Variants in LAMA1 observed in about 807,000 individuals in gnomAD.
LAMA1 encodes the protein laminin subunit alpha 1.
Under a neutral mutation model 348.7 loss-of-function variants are expected in LAMA1, and 219 were observed. The observed-to-expected ratio is 0.63, with a 90% CI of 0.56 to 0.70. The LOEUF (loss-of-function observed/expected upper bound fraction) is 0.70, where lower values mean the gene tolerates loss of function less well. Among genes scored for constraint, LAMA1 ranks in the 30% least tolerant of loss-of-function variants. The pLI is 0.00. For missense variants in LAMA1, 3,744 were observed against 3,888.0 expected, an observed-to-expected ratio of 0.96 and a Z score of 0.99; for synonymous variants, 1,487 against 1,491.0, an observed-to-expected ratio of 1.00 and a Z score of 0.06.
At chr18:7,042,084 T>C (rs1568043135) in intron 9 of LAMA1, 61 bp downstream of exon 9, 3 of 1,142,288 alleles carry the variant, frequency 2.6e-6, no homozygotes, top group Non-Finnish European at 3.9e-6. Context: ...TTCCAGTATG[T>C]GCAAATCTTC....
Position 6,992,603 on chromosome 18 carries a change from C to T in LAMA1, c.5126G>A (p.Arg1709Lys). 1 of 1,614,146 alleles carries T rather than the reference C, an allele frequency of 6.2e-7. No homozygotes were observed. The highest frequency in any genetic ancestry group is 2.2e-5 in the East Asian group (1 of 44,870). The change falls in exon 36 of 63, where the codon AGA becomes AAA. Residue 1709 changes from arginine to lysine, a missense_variant. Arg to Lys is a conservative substitution (Grantham distance 26, BLOSUM62 2). Coordinates refer to ENST00000389658, the MANE Select transcript of LAMA1 (RefSeq NM_005559.4). ...ATTTTGGTGCAACTGTGTGAAGTCT[C>T]TTATCTGCATGATTTCTAGCAAAGA... ...GTSLLEIMQIRDFTQLHQNAT... is the reference protein window; with the variant it reads ...GTSLLEIMQIKDFTQLHQNAT...
At chr18:6,997,965 G>T in intron 32 of LAMA1, 81 bp from the exon 33 acceptor site, 1 of 1,329,554 alleles carries the variant, frequency 7.5e-7, no homozygotes, top group Non-Finnish European at 1.1e-6. Context: ...TGCGCAAGTT[G>T]TTTTGTGAAA....
chr18:7,031,414 T>G (rs2057968587), intron 16 of LAMA1, among the ~76,000 whole-genome samples: 1 of 152,228 alleles, frequency 6.6e-6, no homozygotes, highest in Non-Finnish European at 1.5e-5. Context: ...TCAACTCATA[T>G]TGCATGAAAG....
chr18:6,959,127 C>A (rs547614920), intron 54 of LAMA1, among the ~76,000 whole-genome samples: 1 of 152,250 alleles, frequency 6.6e-6, no homozygotes, highest in African/African-American at 2.4e-5. Flanking sequence ...AAGGGCAGAG[C>A]TAAAGTTGTT....
In LAMA1 at chr18:7,058,812, G is replaced by A. The variant is rs113382018; in HGVS notation, c.346-7876C>T. Among the ~76,000 whole-genome samples the A allele has an allele frequency of 9.3e-3, 1,422 of 152,264 alleles. 25 individuals are homozygous for A. The highest frequency in any genetic ancestry group is 0.03 in the African/African-American group (1,262 of 41,548). Reference sequence around the variant, plus strand: ...CAGTCTCACCTGATTAATACAGGCCGAATTCACCAATCATGTGTTGACAAA... The same window carrying A: ...CAGTCTCACCTGATTAATACAGGCCAAATTCACCAATCATGTGTTGACAAA... On this transcript the variant is annotated intron_variant, in intron 3 of 62. Transcript: ENST00000389658.
At chr18:6,983,448 AAC>A (rs1017307606) in intron 39 of LAMA1, among the ~76,000 whole-genome samples, 1 of 152,162 alleles carries the variant, frequency 6.6e-6, no homozygotes, top group Non-Finnish European at 1.5e-5. Flanking sequence ...TAACACTCAG[AAC>A]TGCTATTCAA....
intron 16 of LAMA1, 152 bp downstream of exon 16, chr18:7,031,914 C>A: frequency 2.0e-6 from 1 of 510,428 alleles, no homozygotes; most frequent in Non-Finnish European, 3.4e-6. Flanking sequence ...GGAAACATTT[C>A]ATGACATGAG....
intron 3 of LAMA1, among the ~76,000 whole-genome samples, chr18:7,078,271 A>G (rs2058178739): frequency 6.7e-6 from 1 of 150,216 alleles, no homozygotes; most frequent in South Asian, 2.1e-4. Context: ...GGTTCACGCC[A>G]TTCTCCTGCC....
In LAMA1 at chr18:6,973,227, G is replaced by A. The variant is rs2057666441; in HGVS notation, c.6624-20C>T. On this transcript the variant is annotated intron_variant, in intron 46 of 62. Transcript: ENST00000389658. ...CCAAATCTAAGGGTTACAAAGAATT[G>A]CAAAAGAAATTTTCAGAATTTCCAG... 2 of 1,612,924 alleles carry A rather than the reference G, an allele frequency of 1.2e-6. No homozygotes were observed. Among genetic ancestry groups the A allele is most frequent in the Non-Finnish European group, 1.7e-6 (2 of 1,179,184 alleles).
chr18:7,035,547 C>G (rs550379778), intron 13 of LAMA1, among the ~76,000 whole-genome samples: 3 of 152,000 alleles, frequency 2.0e-5, no homozygotes, highest in African/African-American at 7.2e-5. Flanking sequence ...CTCACCCTCC[C>G]GAGTACCTGG....
At chr18:7,029,588 C>T (rs191760820) in intron 16 of LAMA1, among the ~76,000 whole-genome samples, 12 of 152,144 alleles carry the variant, frequency 7.9e-5, no homozygotes, top group Admixed American at 1.3e-4. Flanking sequence ...CTTTTTCAGG[C>T]GTGTGCCACC....
At chr18:6,996,285 C>A (rs1444242813) in intron 33 of LAMA1, among the ~76,000 whole-genome samples, 1 of 152,024 alleles carries the variant, frequency 6.6e-6, no homozygotes, top group Non-Finnish European at 1.5e-5. Context: ...ATTCAAGAAC[C>A]AGCCCCATCC....
rs1302656345 is a variant in LAMA1, at chr18:6,983,146, C to T, written c.5749G>A (p.Glu1917Lys). ...CTGTGAGCATCTCTGGCCAGTTCCT[C>T]CGATTCTTCAATCAGGCTCTGGATG... ...YNIQSLIEESEELARDAHRTV... is the reference protein window; with the variant it reads ...YNIQSLIEESKELARDAHRTV... The change falls in exon 40 of 63, where the codon GAG becomes AAG. Residue 1917 changes from glutamate (E) to lysine (K), a missense_variant. Glu to Lys is a moderately conservative substitution (Grantham distance 56). Coordinates refer to ENST00000389658, the MANE Select transcript of LAMA1 (RefSeq NM_005559.4). 6.2e-7 allele frequency: 1 copy of T among 1,614,158 alleles called. No homozygotes were observed. The highest frequency in any genetic ancestry group is 1.7e-5 in the Admixed American group (1 of 60,028).
At chr18:7,072,133 GAAT>G (rs1448836031) in intron 3 of LAMA1, among the ~76,000 whole-genome samples, 23 of 152,250 alleles carry the variant, frequency 1.5e-4, no homozygotes, top group South Asian at 1.4e-3. Flanking sequence ...AGAAAAAACA[GAAT>G]AATTATTGAC....
chr18:7,098,424 C>G (rs2058272889), intron 1 of LAMA1, among the ~76,000 whole-genome samples: 1 of 151,724 alleles, frequency 6.6e-6, no homozygotes, highest in Admixed American at 6.6e-5. Context: ...TCCCGGCCGC[C>G]ATCACATCTA....
At position 7,010,256 on chromosome 18, in the gene LAMA1, C is replaced by T. The variant is rs367994203; in HGVS notation, c.3817G>A (p.Asp1273Asn). ...ACTCCATTCTCTGGGGCTGGTGCAT[C>T]CATGTAAATGACTTGCTTTCTGATC... is the stretch of plus-strand genomic sequence containing the variant. ...GRIRKQVIYM[D>N]APAPENGVRQ... is the part of the protein sequence containing the mutation. Residue 1273 changes from aspartate to asparagine, a missense_variant, in exon 26 of 63, where the codon GAT becomes AAT. By Grantham distance (23) the Asp-to-Asn change is conservative. Around this residue, in one of 3 missense-constraint regions of LAMA1, gnomAD observed 1,529 missense variants for 1,689.4 expected, o/e 0.91. Transcript: ENST00000389658. 1 of 1,614,030 alleles carries T rather than the reference C, an allele frequency of 6.2e-7. No homozygotes were observed. The highest frequency in any genetic ancestry group is 8.5e-7 in the Non-Finnish European group (1 of 1,180,034).
chr18:7,077,576 A>G (rs2058174650), intron 3 of LAMA1, among the ~76,000 whole-genome samples: 1 of 151,958 alleles, frequency 6.6e-6, no homozygotes, highest in African/African-American at 2.4e-5. Context: ...CCTCAGACTA[A>G]CTTAGTCCAT....
chr18:6,955,251 T>A, intron 57 of LAMA1, 102 bp downstream of exon 57: 1 of 922,360 alleles, frequency 1.1e-6, no homozygotes, highest in Non-Finnish European at 1.7e-6. Flanking sequence ...CACTTCATCA[T>A]AAAATAAAAG....
chr18:7,056,615 A>G (rs1273629348), intron 3 of LAMA1, among the ~76,000 whole-genome samples: 1 of 152,124 alleles, frequency 6.6e-6, no homozygotes, highest in African/African-American at 2.4e-5. Flanking sequence ...CCTGCCCCCA[A>G]ATGTCCACAC....
Sources: allele counts gnomAD v4.1 joint callset (sites outside exome capture counted in the v4.1 genomes callset), GRCh38; gene constraint gnomAD v4.1.1; regional missense constraint gnomAD v4.1.1; transcripts MANE v1.5; gene names NCBI Gene and HGNC (gene_info 2026-07-23, HGNC 2026-07-21).